The following GRID2 variants were observed in gnomAD, a reference collection of about 807,000 sequenced individuals.
GRID2 encodes the protein glutamate ionotropic receptor delta type subunit 2, also known as glutamate receptor ionotropic, delta-2.
Under a neutral mutation model 114.8 loss-of-function variants are expected in GRID2, and 33 were observed. The ratio of observed to expected loss-of-function variants is 0.29; its 90% CI spans 0.22 to 0.38. The LOEUF (loss-of-function observed/expected upper bound fraction) is 0.38. GRID2 is among the 10% of genes least tolerant of loss of function. The probability of loss-of-function intolerance (pLI) is 1.00; values close to 1 mark genes in which losing one functional copy is unlikely to be tolerated. For missense variants in GRID2, 1,184 were observed against 1,257.7 expected, an observed-to-expected ratio of 0.94 and a Z score of 0.89; for synonymous variants, 505 against 449.9, an observed-to-expected ratio of 1.12 and a Z score of -1.55.
intron 4 of GRID2, among the ~76,000 whole-genome samples, chr4:93,113,059 T>C (rs1277752197): frequency 6.6e-6 from 1 of 152,172 alleles, no homozygotes; most frequent in Non-Finnish European, 1.5e-5. Context: ...CCCATAACAG[T>C]TACCATTAGC....
At chr4:92,664,328 C>T (rs562558657) in intron 2 of GRID2, among the ~76,000 whole-genome samples, 5 of 150,962 alleles carry the variant, frequency 3.3e-5, no homozygotes, top group East Asian at 1.9e-4. Flanking sequence ...ATTTCTCTTT[C>T]GATCAATTGG....
At chr4:92,599,067 C>G (rs1304901529) in intron 2 of GRID2, among the ~76,000 whole-genome samples, 2 of 130,078 alleles carry the variant, frequency 1.5e-5, no homozygotes, top group African/African-American at 6.0e-5. Flanking sequence ...CTCTCTCTCT[C>G]TCTTTCCTTG....
chr4:93,489,038 T>G (rs1726706742), intron 11 of GRID2, among the ~76,000 whole-genome samples: 1 of 151,974 alleles, frequency 6.6e-6, no homozygotes, highest in Non-Finnish European at 1.5e-5. Context: ...AAAAAAACAT[T>G]ACCCACTTAA....
At chr4:92,830,168 A>G (rs1009940133) in intron 2 of GRID2, among the ~76,000 whole-genome samples, 1 of 152,062 alleles carries the variant, frequency 6.6e-6, no homozygotes, top group African/African-American at 2.4e-5. Flanking sequence ...AAACACTCCC[A>G]TATTTTCTAA....
exon 2 of GRID2, chr4:93,808,044 A>G (rs911037423): frequency 1.3e-5 from 2 of 152,148 alleles, no homozygotes; most frequent in Non-Finnish European, 2.9e-5. Flanking sequence ...TAAAAGATTA[A>G]AGCCAACAAG....
At chr4:92,637,669 C>T (rs559725822) in intron 2 of GRID2, among the ~76,000 whole-genome samples, 1 of 152,118 alleles carries the variant, frequency 6.6e-6, no homozygotes, top group Non-Finnish European at 1.5e-5. Flanking sequence ...AACTCCTATA[C>T]ATCTTTAAAA....
At chr4:93,148,746 A>T (rs1438858706) in intron 4 of GRID2, among the ~76,000 whole-genome samples, 1 of 152,186 alleles carries the variant, frequency 6.6e-6, no homozygotes, top group Non-Finnish European at 1.5e-5. Flanking sequence ...TTGGAATAGA[A>T]GCCCTGTGAG....
At position 93,103,849 on chromosome 4, in the gene GRID2, T is replaced by G. The variant is rs185907117; in HGVS notation, c.530-6899T>G. Among the ~76,000 whole-genome samples the G allele has an allele frequency of 3.6e-3, 540 of 151,758 alleles. 1 individual carries two copies. Among genetic ancestry groups the G allele is most frequent in the Non-Finnish European group, 5.8e-3 (396 of 67,942 alleles). Reference sequence around the variant, plus strand: ...TGAGAGAAAATCCCTTGTTTTTTTTTTTTGTTTGTTTTTTTCCTGAGCGTT... The same window carrying G: ...TGAGAGAAAATCCCTTGTTTTTTTTGTTTGTTTGTTTTTTTCCTGAGCGTT... On this transcript the variant is annotated intron_variant, in intron 3 of 15. Transcript: ENST00000282020.
At chr4:93,463,606 CAAAA>C (rs1441179452) in intron 11 of GRID2, among the ~76,000 whole-genome samples, 2 of 152,084 alleles carry the variant, frequency 1.3e-5, no homozygotes, top group Non-Finnish European at 2.9e-5. Context: ...TAGTATTTAA[CAAAA>C]GAAAGAAGCT....
At chr4:92,600,044 G>GTATATATATATATATATATA (rs70942915) in intron 2 of GRID2, among the ~76,000 whole-genome samples, 7 of 54,430 alleles carry the variant, frequency 1.3e-4, no homozygotes, top group Non-Finnish European at 1.7e-4. Flanking sequence ...GTGTGTGTGT[G>GTATATATATATATATATATA]TATATATATA....
chr4:93,496,243 C>T (rs147326486), intron 12 of GRID2, among the ~76,000 whole-genome samples: 73 of 151,622 alleles, frequency 4.8e-4, no homozygotes, highest in African/African-American at 1.8e-3. Flanking sequence ...TTTGGACAAA[C>T]TTTCTTATAA....
intron 2 of GRID2, among the ~76,000 whole-genome samples, chr4:92,832,125 TAA>T (rs934124638): frequency 6.7e-6 from 1 of 150,312 alleles, no homozygotes; most frequent in African/African-American, 2.4e-5. Flanking sequence ...CTTATGAAAA[TAA>T]AAAAAAGGAA....
chr4:93,805,368 T>A (rs1735009910), intron 1 of GRID2, among the ~76,000 whole-genome samples: 1 of 152,244 alleles, frequency 6.6e-6, no homozygotes, highest in Non-Finnish European at 1.5e-5. Context: ...GTGTGCCTAA[T>A]GAGAAAACTG....
At chr4:93,116,571 T>C (rs1428273452) in intron 4 of GRID2, among the ~76,000 whole-genome samples, 3 of 152,104 alleles carry the variant, frequency 2.0e-5, no homozygotes, top group Non-Finnish European at 1.5e-5. Flanking sequence ...AAAATCCCCA[T>C]TTCCTGACTG....
intron 13 of GRID2, among the ~76,000 whole-genome samples, chr4:93,625,787 C>T (rs1267061343): frequency 6.6e-6 from 1 of 152,024 alleles, no homozygotes; most frequent in Non-Finnish European, 1.5e-5. Context: ...CGGTGGTGGG[C>T]GCCTGTAGTC....
chr4:92,874,094 C>T (rs1285727585), intron 2 of GRID2, among the ~76,000 whole-genome samples: 1 of 152,142 alleles, frequency 6.6e-6, no homozygotes, highest in Non-Finnish European at 1.5e-5. Flanking sequence ...GAGAAAGGAG[C>T]AGGAACTGAT....
At chr4:93,653,686 T>C (rs945616201) in intron 14 of GRID2, among the ~76,000 whole-genome samples, 4 of 152,088 alleles carry the variant, frequency 2.6e-5, no homozygotes, top group Non-Finnish European at 5.9e-5. Flanking sequence ...AAAGAGATTT[T>C]TACCACCCAC....
At chr4:93,020,165 AAAATT>A (rs1253131903) in intron 2 of GRID2, among the ~76,000 whole-genome samples, 2 of 152,190 alleles carry the variant, frequency 1.3e-5, no homozygotes, top group Non-Finnish European at 2.9e-5. Flanking sequence ...ATCTGAAACT[AAAATT>A]AAAGTTTTAT....
At chr4:92,890,597 C>T (rs1746704525) in intron 2 of GRID2, among the ~76,000 whole-genome samples, 1 of 151,914 alleles carries the variant, frequency 6.6e-6, no homozygotes, top group Non-Finnish European at 1.5e-5. Context: ...GGCAATCATT[C>T]AAAAGTCAGG....
Sources: allele counts gnomAD v4.1 joint callset (sites outside exome capture counted in the v4.1 genomes callset), GRCh38; gene constraint gnomAD v4.1.1; transcripts MANE v1.5; gene names NCBI Gene and HGNC (gene_info 2026-07-23, HGNC 2026-07-21).